Variants in NHSL1 observed in about 807,000 individuals in gnomAD.
NHSL1 encodes the protein NHS-like protein 1.
NHSL1 carries 48 observed loss-of-function variants against 95.0 expected under a neutral mutation model. The observed-to-expected ratio is 0.51, with a 90% CI of 0.40 to 0.64. The LOEUF (loss-of-function observed/expected upper bound fraction) is 0.64. Ranked by LOEUF, NHSL1 falls within the 30% of genes least tolerant of loss-of-function variation. The probability of loss-of-function intolerance (pLI) is 0.00; values close to 1 mark genes in which losing one functional copy is unlikely to be tolerated. For missense variants in NHSL1, 1,971 were observed against 2,077.7 expected (o/e 0.95, Z 1.00); for synonymous variants, 783 against 833.9 (o/e 0.94, Z 1.05).
intron 1 of NHSL1, among the ~76,000 whole-genome samples, chr6:138,508,018 A>G (rs28702636): frequency 0.06 from 9,126 of 152,268 alleles, 307 homozygotes; most frequent in African/African-American, 0.083. Flanking sequence ...CTTCTGCTGT[A>G]GATCCTAGTT....
intron 1 of NHSL1, among the ~76,000 whole-genome samples, chr6:138,626,259 A>C (rs1009536975): frequency 6.6e-6 from 1 of 152,194 alleles, no homozygotes; most frequent in African/African-American, 2.4e-5. Flanking sequence ...TGAATTCTAA[A>C]ACCTCACTTA....
At chr6:138,599,726 G>C (rs1784348274) in intron 1 of NHSL1, among the ~76,000 whole-genome samples, 1 of 152,120 alleles carries the variant, frequency 6.6e-6, no homozygotes, top group Non-Finnish European at 1.5e-5. Flanking sequence ...CAAGATCTCA[G>C]GCAGGGTCAG....
Position 138,432,328 on chromosome 6 carries a change from G to A in NHSL1, c.2017C>T (p.Leu673=), listed in dbSNP as rs956045378. 1.8e-5 allele frequency: 28 copies of A among 1,551,642 alleles called. No individual in the cohort carries two copies. The Admixed American group carries it at 5.3e-4, about 29-fold the overall frequency. The change falls in exon 6 of 8, where the codon CTG becomes TTG. Residue 673 remains leucine (L), a synonymous_variant. Coordinates refer to ENST00000343505, the MANE Select transcript of NHSL1 (RefSeq NM_001144060.2). The surrounding 1 kb of genome is among the most constrained non-coding windows in gnomAD (Gnocchi z 4.4). The part of the protein sequence containing the change: ...ISLKKAKKPP[L]PPSRTDSLRR... ...AGGGAGTCTGTCCGGGAGGGTGGCA[G>A]GGGAGGCTTCTTTGCTTTCTTCAAA...
chr6:138,606,641 T>TTG (rs1256334326), intron 1 of NHSL1, among the ~76,000 whole-genome samples: 1 of 152,104 alleles, frequency 6.6e-6, no homozygotes, highest in Non-Finnish European at 1.5e-5. Context: ...TCCGTGCTTT[T>TTG]TGTGACTGGC....
chr6:138,599,298 G>A (rs1482161455), intron 1 of NHSL1, among the ~76,000 whole-genome samples: 4 of 152,186 alleles, frequency 2.6e-5, no homozygotes, highest in Non-Finnish European at 5.9e-5. Context: ...GATCACCTGA[G>A]GTCAAGAGTT....
chr6:138,482,218 C>T (rs971253380), intron 2 of NHSL1, among the ~76,000 whole-genome samples: 11 of 152,190 alleles, frequency 7.2e-5, no homozygotes, highest in African/African-American at 2.4e-4. Flanking sequence ...GAGGCCAAGG[C>T]GGGCGGATCA....
At chr6:138,521,159 T>C (rs1030223492) in intron 1 of NHSL1, among the ~76,000 whole-genome samples, 16 of 152,164 alleles carry the variant, frequency 1.1e-4, no homozygotes, top group African/African-American at 3.6e-4. Context: ...TAACCAATAG[T>C]ATTCGTTTCA....
chr6:138,588,849 A>G (rs1441089882), intron 1 of NHSL1, among the ~76,000 whole-genome samples: 1 of 152,186 alleles, frequency 6.6e-6, no homozygotes. Context: ...TCTTGTTAGT[A>G]TCATGGTTAG....
chr6:138,630,822 G>A (rs1361358220), intron 1 of NHSL1, among the ~76,000 whole-genome samples: 1 of 152,158 alleles, frequency 6.6e-6, no homozygotes, highest in Non-Finnish European at 1.5e-5. Flanking sequence ...GCAAGATGGT[G>A]GAATAGAAGG....
chr6:138,480,601 C>T (rs1427310276), intron 2 of NHSL1, among the ~76,000 whole-genome samples: 1 of 152,186 alleles, frequency 6.6e-6, no homozygotes, highest in African/African-American at 2.4e-5. Context: ...TTATTTCTAG[C>T]ATGGTATTCT....
At chr6:138,532,604 C>T (rs1252041660) in intron 1 of NHSL1, among the ~76,000 whole-genome samples, 1 of 152,104 alleles carries the variant, frequency 6.6e-6, no homozygotes, top group Non-Finnish European at 1.5e-5. Context: ...GGTATCTTAT[C>T]TCATTTGATC....
In NHSL1 at chr6:138,433,075, C is replaced by T; in HGVS notation, c.1270G>A (p.Val424Ile). ...CTCTGAGCAGTGGGAATAGCGATGACCTCGGAAGAGGAAGACAGTGTGGCA... is the reference window on the plus strand; with the variant it reads ...CTCTGAGCAGTGGGAATAGCGATGATCTCGGAAGAGGAAGACAGTGTGGCA... ...PNATLSSSSE[V>I]IAIPTAQSAG... Residue 424 changes from valine (V) to isoleucine (I), a missense_variant, in exon 6 of 8, where the codon GTC becomes ATC. By Grantham distance (29) the Val-to-Ile change is conservative (BLOSUM62 3). Coordinates refer to ENST00000343505, the MANE Select transcript of NHSL1 (RefSeq NM_001144060.2). 6.4e-7 allele frequency: 1 copy of T among 1,551,222 alleles called. No homozygotes were observed. Among genetic ancestry groups the T allele is most frequent in the Non-Finnish European group, 8.7e-7 (1 of 1,146,908 alleles).
upstream of NHSL1, among the ~76,000 whole-genome samples, chr6:138,500,927 T>C (rs1182664791): frequency 1.3e-5 from 2 of 152,228 alleles, no homozygotes; most frequent in South Asian, 2.1e-4. Context: ...AATTGCCAGA[T>C]GGCAAATGAG....
At chr6:138,427,866 T>C (rs1775363609) in intron 7 of NHSL1, among the ~76,000 whole-genome samples, 1 of 152,228 alleles carries the variant, frequency 6.6e-6, no homozygotes, top group East Asian at 1.9e-4. Context: ...TGTCTGCTAA[T>C]TTATTCTCAA....
chr6:138,482,722 A>G (rs1234545062), intron 2 of NHSL1, among the ~76,000 whole-genome samples: 1 of 152,100 alleles, frequency 6.6e-6, no homozygotes, highest in Non-Finnish European at 1.5e-5. Flanking sequence ...CACCAACGAG[A>G]GAGAAGAGCA....
At chr6:138,566,788 A>C (rs1005800362) in intron 1 of NHSL1, among the ~76,000 whole-genome samples, 1 of 152,058 alleles carries the variant, frequency 6.6e-6, no homozygotes, top group Non-Finnish European at 1.5e-5. Flanking sequence ...AAATAATAAT[A>C]ATCAAAGGTC....
intron 1 of NHSL1, among the ~76,000 whole-genome samples, chr6:138,612,259 C>T (rs1258024179): frequency 6.6e-6 from 1 of 151,974 alleles, no homozygotes; most frequent in Non-Finnish European, 1.5e-5. Flanking sequence ...TATTTTACTT[C>T]TCAGTATCTA....
rs549454270 is a variant in NHSL1 at position 138,534,320 on chromosome 6, G to A, written c.16+11303C>T. ...CCCTCAAGGAGCTTACAATCTAGTC[G>A]TCAAAGCAAAGGACCCTTGGTACAT... is the stretch of plus-strand genomic sequence containing the variant. On this transcript the variant is annotated intron_variant, in intron 1 of 4. Transcript: ENST00000342260. Among the ~76,000 whole-genome samples, 30 of 152,168 alleles carry A rather than the reference G, an allele frequency of 2.0e-4. No homozygotes were observed. The South Asian group carries it at 2.3e-3, about 12-fold the overall frequency.
chr6:138,468,575 ACT>A (rs1344748347), intron 3 of NHSL1, among the ~76,000 whole-genome samples: 2 of 151,852 alleles, frequency 1.3e-5, no homozygotes, highest in Non-Finnish European at 2.9e-5. Flanking sequence ...TCCTTATGAG[ACT>A]CTAACTAATG....
Sources: allele counts gnomAD v4.1 joint callset (sites outside exome capture counted in the v4.1 genomes callset), GRCh38; gene constraint gnomAD v4.1.1; non-coding constraint Gnocchi (gnomAD v3.1); transcripts MANE v1.5; gene names NCBI Gene and HGNC (gene_info 2026-07-23, HGNC 2026-07-21).